TEKTL1: variants seen among roughly 807,000 people sequenced by gnomAD.
The protein encoded by TEKTL1 is tektin like 1.
chr19:15,014,464 A>C, the TEKTL1 span, among the ~76,000 whole-genome samples: 1 of 152,048 alleles, frequency 6.6e-6, no homozygotes, highest in African/African-American at 2.4e-5. Flanking sequence ...ATTCAAAGAA[A>C]ATACAGGCTG....
the TEKTL1 span, among the ~76,000 whole-genome samples, chr19:15,018,484 G>A: frequency 2.0e-5 from 3 of 151,590 alleles, no homozygotes; most frequent in Non-Finnish European, 4.4e-5. Flanking sequence ...CAAGGTGGGT[G>A]GATTGCTTGA....
the TEKTL1 span, chr19:15,021,827 C>T: frequency 2.5e-6 from 4 of 1,614,094 alleles, no homozygotes; most frequent in Non-Finnish European, 2.5e-6. Context: ...GAAAGTTCAC[C>T]TGGAGACCGC....
chr19:15,013,814 G>A, the TEKTL1 span: 2 of 1,378,756 alleles, frequency 1.5e-6, no homozygotes, highest in Admixed American at 1.8e-5. Context: ...GGGGCTGGAG[G>A]GGGATCCCTG....
the TEKTL1 span, among the ~76,000 whole-genome samples, chr19:15,015,144 A>G: frequency 2.0e-5 from 3 of 152,088 alleles, no homozygotes; most frequent in African/African-American, 7.2e-5. Flanking sequence ...CCATGATCAT[A>G]CCTCTGCGCT....
the TEKTL1 span, chr19:15,020,311 A>AC: frequency 2.8e-6 from 2 of 709,712 alleles, no homozygotes; most frequent in Non-Finnish European, 4.6e-6. Flanking sequence ...TTGTCTCAAA[A>AC]AAAAAAAAAA....
chr19:15,021,025 G>A, the TEKTL1 span, among the ~76,000 whole-genome samples: 3 of 151,908 alleles, frequency 2.0e-5, no homozygotes, highest in African/African-American at 7.3e-5. Context: ...GATTACAGGC[G>A]CCCACCACCA....
chr19:15,022,735 C>G, the TEKTL1 span: 4 of 490,958 alleles, frequency 8.1e-6, no homozygotes, highest in East Asian at 5.0e-5. Flanking sequence ...TTTTTTTTTT[C>G]CAGGCACACC....
chr19:15,015,694 T>G, the TEKTL1 span, among the ~76,000 whole-genome samples: 1 of 150,678 alleles, frequency 6.6e-6, no homozygotes, highest in Admixed American at 6.6e-5. Context: ...CAGAGCAAGA[T>G]TCTATATAAA....
the TEKTL1 span, chr19:15,023,108 G>A: frequency 6.2e-7 from 1 of 1,604,408 alleles, no homozygotes; most frequent in East Asian, 2.2e-5. Context: ...CAAGAGCAGC[G>A]CGGACCCCTA....
At chr19:15,020,638 C>A in the TEKTL1 span, 3 of 1,613,474 alleles carry the variant, frequency 1.9e-6, no homozygotes, top group East Asian at 2.2e-5. Context: ...TCCTCCAGAC[C>A]CTGTGGGCAC....
At chr19:15,015,391 C>T in the TEKTL1 span, among the ~76,000 whole-genome samples, 1 of 152,210 alleles carries the variant, frequency 6.6e-6, no homozygotes, top group African/African-American at 2.4e-5. Flanking sequence ...AGAAGACTTG[C>T]TGACCTGCTG....
the TEKTL1 span, among the ~76,000 whole-genome samples, chr19:15,016,926 G>T: frequency 6.6e-6 from 1 of 152,174 alleles, no homozygotes; most frequent in Non-Finnish European, 1.5e-5. Context: ...GCAAAACTCG[G>T]CTGGGTGCAG....
At chr19:15,010,973 A>C in the TEKTL1 span, 2 of 1,593,706 alleles carry the variant, frequency 1.3e-6, no homozygotes, top group African/African-American at 1.3e-5. Flanking sequence ...GTGGCAGCCC[A>C]AGGACAGCGT....
chr19:15,021,290 G>C, the TEKTL1 span: 3 of 1,587,748 alleles, frequency 1.9e-6, no homozygotes, highest in South Asian at 1.1e-5. Context: ...AGAATAGAGA[G>C]AGGGACAGGG....
At chr19:15,018,022 CTG>C in the TEKTL1 span, among the ~76,000 whole-genome samples, 15 of 151,982 alleles carry the variant, frequency 9.9e-5, no homozygotes, top group African/African-American at 3.6e-4. Context: ...TAGCATCACT[CTG>C]TCTCAAAATA....
chr19:15,011,269 C>T, the TEKTL1 span: 4 of 1,518,882 alleles, frequency 2.6e-6, no homozygotes, highest in East Asian at 2.6e-5. Context: ...ACCAGATTAA[C>T]GGGCGGGTGC....
At chr19:15,015,529 A>G in the TEKTL1 span, among the ~76,000 whole-genome samples, 38 of 151,902 alleles carry the variant, frequency 2.5e-4, 1 homozygote, top group East Asian at 5.4e-3. Flanking sequence ...CAATCCTATA[A>G]TTCCACCCTT....
chr19:15,016,185 C>CTGTT, the TEKTL1 span, among the ~76,000 whole-genome samples: 2 of 66,756 alleles, frequency 3.0e-5, no homozygotes, highest in African/African-American at 7.0e-5. Flanking sequence ...GACAGCTGTC[C>CTGTT]TTTTTTTTTT....
the TEKTL1 span, chr19:15,022,746 T>A: frequency 2.3e-4 from 185 of 793,234 alleles, no homozygotes; most frequent in Middle Eastern, 3.4e-4. Context: ...CAGGCACACC[T>A]GGCCCATTCA....
Sources: allele counts gnomAD v4.1 joint callset (sites outside exome capture counted in the v4.1 genomes callset), GRCh38; gene constraint gnomAD v4.1.1; transcripts MANE v1.5; gene names NCBI Gene and HGNC (gene_info 2026-07-23, HGNC 2026-07-21).